SLC7A11: variants seen among roughly 807,000 people sequenced by gnomAD.
SLC7A11 encodes the protein cystine/glutamate transporter.
Under a neutral mutation model 54.5 loss-of-function variants are expected in SLC7A11, and 35 were observed. The ratio of observed to expected loss-of-function variants is 0.64; its 90% CI spans 0.49 to 0.85. SLC7A11 has a LOEUF of 0.85. Among genes scored for constraint, SLC7A11 ranks in the 40% least tolerant of loss-of-function variants. The probability of loss-of-function intolerance (pLI) is 0.00; values close to 1 mark genes in which losing one functional copy is unlikely to be tolerated. For missense variants in SLC7A11, 583 were observed against 618.1 expected, an observed-to-expected ratio of 0.94 and a Z score of 0.60; for synonymous variants, 230 against 225.2, an observed-to-expected ratio of 1.02 and a Z score of -0.19.
chr4:138,235,397 T>A (rs1738182703), intron 2 of SLC7A11, among the ~76,000 whole-genome samples: 1 of 139,412 alleles, frequency 7.2e-6, no homozygotes, highest in African/African-American at 2.5e-5. Context: ...TTTGAAGATC[T>A]TTTTTTGGTT....
In SLC7A11 at chr4:138,164,749, A is replaced by C. The variant is rs1216856521; in HGVS notation, c.*7207T>G. The C allele has an allele frequency of 6.6e-6, 1 of 152,072 alleles. No homozygotes were observed. The highest frequency in any genetic ancestry group is 1.5e-5 in the Non-Finnish European group (1 of 67,984). 9.4% of individuals were successfully genotyped at this position (152,072 alleles called of 1,614,324 possible). On this transcript the variant is annotated 3_prime_UTR_variant, in exon 12 of 12. Coordinates refer to ENST00000280612, the MANE Select transcript of SLC7A11 (RefSeq NM_014331.4). ...TTGAGTTGAGGACCAGTTAGTTAGGATATTGAGGATCACTCTTTTTCAGCT... is the reference window on the plus strand; with the variant it reads ...TTGAGTTGAGGACCAGTTAGTTAGGCTATTGAGGATCACTCTTTTTCAGCT...
chr4:138,206,758 C>G (rs1346229499), intron 6 of SLC7A11, among the ~76,000 whole-genome samples: 1 of 151,728 alleles, frequency 6.6e-6, no homozygotes, highest in African/African-American at 2.4e-5. Flanking sequence ...GAATTTTGAT[C>G]CCAAGGTACA....
intron 6 of SLC7A11, among the ~76,000 whole-genome samples, chr4:138,187,711 G>C (rs556403653): frequency 1.6e-4 from 25 of 152,220 alleles, no homozygotes; most frequent in African/African-American, 5.8e-4. Context: ...GGGGCAAACT[G>C]ATTTCATGAT....
chr4:138,218,369 C>T (rs555865784), intron 5 of SLC7A11, among the ~76,000 whole-genome samples: 7 of 152,220 alleles, frequency 4.6e-5, no homozygotes, highest in African/African-American at 1.2e-4. Context: ...ATAAACATTG[C>T]CATGATTTAT....
rs1300682827 is a variant in SLC7A11, at chr4:138,166,422, T to G, written c.*5534A>C. ...CACTGCAAAAGAGATACCTGTGCAT[T>G]ACTCTTTTTTTCCCCTCTGGCTTTC... is the stretch of plus-strand genomic sequence containing the variant. On this transcript the variant is annotated 3_prime_UTR_variant, in exon 12 of 12. Coordinates refer to ENST00000280612, the MANE Select transcript of SLC7A11 (RefSeq NM_014331.4). 1 of 152,460 alleles carries G rather than the reference T, an allele frequency of 6.6e-6. No individual in the cohort carries two copies. Among genetic ancestry groups the G allele is most frequent in the African/African-American group, 2.4e-5 (1 of 41,462 alleles). The allele number at this position is 152,460 out of a possible 1,614,324, so 9.4% of individuals were successfully genotyped here.
intron 7 of SLC7A11, 47 bp from the exon 8 acceptor site, chr4:138,183,352 G>T: frequency 7.7e-7 from 1 of 1,290,944 alleles, no homozygotes; most frequent in Non-Finnish European, 1.1e-6. Context: ...CCAGAAAGTG[G>T]AATAAAATGA....
intron 6 of SLC7A11, among the ~76,000 whole-genome samples, chr4:138,204,298 G>A (rs1317272839): frequency 6.6e-6 from 1 of 152,012 alleles, no homozygotes; most frequent in Non-Finnish European, 1.5e-5. Flanking sequence ...GCTTTCTACA[G>A]CGCAGAATGA....
At chr4:138,223,616 G>T (rs1004413950) in intron 3 of SLC7A11, among the ~76,000 whole-genome samples, 1 of 152,116 alleles carries the variant, frequency 6.6e-6, no homozygotes, top group Non-Finnish European at 1.5e-5. Flanking sequence ...GACATATATT[G>T]TAGTACTCTA....
chr4:138,228,675 C>T (rs1212885338), intron 3 of SLC7A11, among the ~76,000 whole-genome samples: 3 of 137,432 alleles, frequency 2.2e-5, no homozygotes, highest in African/African-American at 8.2e-5. Context: ...AGGAGAATGG[C>T]GTGAAACCAG....
chr4:138,176,310 C>T (rs750334346), intron 11 of SLC7A11: 3 of 152,142 alleles, frequency 2.0e-5, no homozygotes, highest in Non-Finnish European at 4.4e-5. Context: ...GCAGAATTGC[C>T]ATGCTCCCTG....
Position 138,166,252 on chromosome 4 carries a change from A to G in SLC7A11, c.*5704T>C, listed in dbSNP as rs1376235311. The G allele has an allele frequency of 1.3e-5, 2 of 152,130 alleles. No individual in the cohort carries two copies. Among genetic ancestry groups the G allele is most frequent in the South Asian group, 2.1e-4 (1 of 4,828 alleles). 9.4% of individuals were successfully genotyped at this position (152,130 alleles called of 1,614,324 possible). On this transcript the variant is annotated 3_prime_UTR_variant, in exon 12 of 12. Coordinates refer to ENST00000280612, the MANE Select transcript of SLC7A11 (RefSeq NM_014331.4). ...TAAAGTTAGTTAGTAGGAAAATTTG[A>G]TGTCTAAATTTTATAATACACATTT...
intron 6 of SLC7A11, among the ~76,000 whole-genome samples, chr4:138,207,974 G>A (rs1348646850): frequency 1.3e-5 from 2 of 152,080 alleles, no homozygotes; most frequent in Non-Finnish European, 1.5e-5. Flanking sequence ...ATTTTAAGAC[G>A]GCAGCATCTG....
At chr4:138,217,234 T>C (rs1737702113) in intron 5 of SLC7A11, among the ~76,000 whole-genome samples, 1 of 152,306 alleles carries the variant, frequency 6.6e-6, no homozygotes, top group East Asian at 1.9e-4. Flanking sequence ...CCATTTTAAA[T>C]CCTGGACTTA....
At chr4:138,176,793 C>A (rs77132780) in intron 11 of SLC7A11, 3 of 152,130 alleles carry the variant, frequency 2.0e-5, no homozygotes, top group Non-Finnish European at 4.4e-5. Context: ...GATTTCACAG[C>A]GATGAGTGCT....
At chr4:138,234,197 A>C (rs1413374800) in intron 2 of SLC7A11, among the ~76,000 whole-genome samples, 1 of 152,154 alleles carries the variant, frequency 6.6e-6, no homozygotes, top group Non-Finnish European at 1.5e-5. Context: ...TGGAAACCCA[A>C]TATATATTGA....
chr4:138,179,871 A>G (rs1736677920), intron 10 of SLC7A11, among the ~76,000 whole-genome samples: 1 of 152,158 alleles, frequency 6.6e-6, no homozygotes, highest in Admixed American at 6.6e-5. Context: ...TGACAGGAAT[A>G]AAACAAGCCA....
At chr4:138,220,924 AT>A (rs1262973103) in intron 4 of SLC7A11, among the ~76,000 whole-genome samples, 1 of 152,184 alleles carries the variant, frequency 6.6e-6, no homozygotes, top group Non-Finnish European at 1.5e-5. Context: ...ATACTAAACA[AT>A]TTTTCTCTCA....
At chr4:138,228,744 G>C in intron 3 of SLC7A11, among the ~76,000 whole-genome samples, 1 of 112,082 alleles carries the variant, frequency 8.9e-6, no homozygotes, top group Non-Finnish European at 1.7e-5. Flanking sequence ...GGGCGACAGA[G>C]CAAGACTCCG....
At chr4:138,212,018 G>A (rs536995146) in intron 6 of SLC7A11, among the ~76,000 whole-genome samples, 1 of 151,952 alleles carries the variant, frequency 6.6e-6, no homozygotes, top group African/African-American at 2.4e-5. Context: ...TTAGCTAAAA[G>A]AGAAATTTGC....
Sources: gnomAD v4.1 joint callset for allele counts (sites outside exome capture counted in the v4.1 genomes callset) on GRCh38, gnomAD v4.1.1 for gene constraint, MANE v1.5 for transcripts, NCBI Gene and HGNC (gene_info 2026-07-23, HGNC 2026-07-21) for gene names.